Variants in EVPLL observed in about 807,000 individuals in gnomAD.
EVPLL encodes the protein envoplakin-like protein.
Under a neutral mutation model 46.2 loss-of-function variants are expected in EVPLL, and 39 were observed. The ratio of observed to expected loss-of-function variants is 0.84; its 90% CI spans 0.65 to 1.10. The LOEUF is 1.10. Among genes scored for constraint, EVPLL ranks in the 50% least tolerant of loss-of-function variants. EVPLL has a pLI of 0.00. For synonymous variants in EVPLL, 156 were observed against 165.8 expected (o/e 0.94, Z 0.46); for missense variants, 385 against 412.6 (o/e 0.93, Z 0.58).
Position 18,381,092 on chromosome 17 carries a change from G to T in EVPLL, c.63+92G>T. ...CCTGGCACTCCCTGAGTGCCCCCTG[G>T]TGATGGTGAAGATGGGACAGATGAC... On this transcript the variant is annotated intron_variant, in intron 2 of 10. Transcript: ENST00000399134. The surrounding 1 kb of genome is among the most constrained non-coding windows in gnomAD (Gnocchi z 4.2). 1 of 1,455,448 alleles carries T rather than the reference G, an allele frequency of 6.9e-7. No individual in the cohort carries two copies. Among genetic ancestry groups the T allele is most frequent in the Non-Finnish European group, 9.4e-7 (1 of 1,063,342 alleles). 90.2% of individuals were successfully genotyped at this position (1,455,448 alleles called of 1,614,324 possible).
At chr17:18,380,435 G>A (rs56735648) in intron 1 of EVPLL, 7,349 of 161,764 alleles carry the variant, frequency 0.045, 499 homozygotes, top group African/African-American at 0.16. Flanking sequence ...AAAGCTCCCT[G>A]GGGTGGAGGA....
intron 1 of EVPLL, among the ~76,000 whole-genome samples, chr17:18,378,578 A>G (rs747183973): frequency 6.6e-6 from 1 of 152,138 alleles, no homozygotes; most frequent in Non-Finnish European, 1.5e-5. Context: ...TAGGAGGCCA[A>G]TGCGGGAGGA....
intron 5 of EVPLL, 50 bp downstream of exon 5, chr17:18,382,688 T>G: frequency 6.4e-7 from 1 of 1,552,680 alleles, no homozygotes; most frequent in Non-Finnish European, 8.7e-7. Context: ...CAGCCCCTGT[T>G]TTTCCAGTCA....
In EVPLL at chr17:18,377,827, C is replaced by T; in HGVS notation, c.-193C>T. On this transcript the variant is annotated 5_prime_UTR_variant, in exon 1 of 11. Coordinates refer to ENST00000399134, the MANE Select transcript of EVPLL (RefSeq NM_001145127.2). ...AAGGACGCCCGCTGCCTCCCACCTG[C>T]CCTCCTGCCCTCCTTCACCAGCCAA... The T allele has an allele frequency of 1.5e-6, 1 of 666,178 alleles. No individual in the cohort carries two copies. 41.3% of individuals were successfully genotyped at this position (666,178 alleles called of 1,614,324 possible).
chr17:18,383,300 G>C lies in EVPLL; in HGVS notation c.702G>C (p.Gln234His). ...EHFKQHELLS[Q>H]EQSVNQLEED... ...TCAAGCAGCACGAGCTGCTGAGCCA[G>C]GAGCAGAGCGTAAACCAGCTGGAGG... The change falls in exon 8 of 11, where the codon CAG becomes CAC. Residue 234 changes from glutamine (Q) to histidine (H), a missense_variant. Transcript: ENST00000399134. The C allele has an allele frequency of 6.2e-7, 1 of 1,600,894 alleles. No individual in the cohort carries two copies. Among genetic ancestry groups the C allele is most frequent in the African/African-American group, 1.3e-5 (1 of 74,672 alleles).
Position 18,388,201 on chromosome 17 carries a change from TTTTC to T in EVPLL, c.877-9_877-6del, listed in dbSNP as rs1199633426. On this transcript the variant is annotated splice_polypyrimidine_tract_variant and intron_variant, in intron 9 of 10. Transcript: ENST00000399134. ...AACTCTTCTCCCCACCCATCTTTTG[TTTTC>T]TTTCTTTCCACAGATTCTGTGTCCA... 2.9e-6 allele frequency: 4 copies of T among 1,398,560 alleles called. No homozygotes were observed. The highest frequency in any genetic ancestry group is 2.0e-5 in the Admixed American group (1 of 50,278). The allele number at this position is 1,398,560 out of a possible 1,614,324, so 86.6% of individuals were successfully genotyped here. A position where few individuals can be genotyped will look rare whatever the true frequency, so the allele number is the denominator to read the frequency against.
At chr17:18,386,717 T>C (rs1987774153) in intron 9 of EVPLL, among the ~76,000 whole-genome samples, 1 of 152,102 alleles carries the variant, frequency 6.6e-6, no homozygotes, top group South Asian at 2.1e-4. Flanking sequence ...GTGTGAAAGA[T>C]ACGCAGATTT....
In EVPLL at chr17:18,381,430, A is replaced by C. The variant is rs1987567424; in HGVS notation, c.127A>C (p.Lys43Gln). ...QHQQETGSSL[K>Q]EAEVLLKDLF... ...CCAGCAGGAGACGGGCAGCAGCCTG[A>C]AGGAGGCCGAGGTGCTGCTCAAGGA... is the stretch of plus-strand genomic sequence containing the variant. Residue 43 changes from lysine to glutamine, a missense_variant, in exon 3 of 11, where the codon AAG becomes CAG. Transcript: ENST00000399134. The surrounding 1 kb of genome is among the most constrained non-coding windows in gnomAD (Gnocchi z 4.2). The C allele has an allele frequency of 3.7e-6, 6 of 1,611,210 alleles. No homozygotes were observed. Among genetic ancestry groups the C allele is most frequent in the Non-Finnish European group, 5.1e-6 (6 of 1,179,000 alleles).
rs781092074 is a variant in EVPLL at position 18,380,955 on chromosome 17, C to A, written c.18C>A (p.Asp6Glu). 11 of 1,596,420 alleles carry A rather than the reference C, an allele frequency of 6.9e-6. No individual in the cohort carries two copies. The Admixed American group carries it at 6.9e-5, about 10-fold the overall frequency. MQASA[D>E]QVERDILETQ... ...TCTCCCACATGCAAGCCAGCGCCGACCAGGTGGAGCGGGACATCCTGGAGA... is the reference window on the plus strand; with the variant it reads ...TCTCCCACATGCAAGCCAGCGCCGAACAGGTGGAGCGGGACATCCTGGAGA... The change falls in exon 2 of 11, where the codon GAC becomes GAA. Residue 6 changes from aspartate to glutamate, a missense_variant. Physicochemically the swap from Asp to Glu is conservative, Grantham distance 45. Transcript: ENST00000399134.
chr17:18,385,651 A>G (rs1987742935), intron 9 of EVPLL, among the ~76,000 whole-genome samples: 1 of 151,056 alleles, frequency 6.6e-6, no homozygotes, highest in African/African-American at 2.4e-5. Context: ...GGCAGCAAGG[A>G]AAGGGCAGCT....
chr17:18,381,272 T>TGG lies in EVPLL; in HGVS notation c.64-92_64-91dup. ...GGGCCTCGAGGTTGGCCAGCATAGC[T>TGG]GGGGTCCCAAAGGTGGGGCTCAGGC... On this transcript the variant is annotated intron_variant, in intron 2 of 10. Transcript: ENST00000399134. The surrounding 1 kb of genome is among the most constrained non-coding windows in gnomAD (Gnocchi z 4.2). 1 of 1,459,016 alleles carries TGG rather than the reference T, an allele frequency of 6.9e-7. No homozygotes were observed. The highest frequency in any genetic ancestry group is 2.5e-5 in the Admixed American group (1 of 39,736). 90.4% of individuals were successfully genotyped at this position (1,459,016 alleles called of 1,614,324 possible).
intron 1 of EVPLL, among the ~76,000 whole-genome samples, chr17:18,379,048 C>G (rs929364588): frequency 6.6e-6 from 1 of 152,240 alleles, no homozygotes; most frequent in African/African-American, 2.4e-5. Context: ...CAACTGCACT[C>G]TAGCCTGGGT....
intron 9 of EVPLL, among the ~76,000 whole-genome samples, chr17:18,385,238 C>T (rs1269286359): frequency 9.3e-6 from 1 of 108,000 alleles, no homozygotes; most frequent in African/African-American, 3.9e-5. Flanking sequence ...CCCTTCCTCA[C>T]TGGATTTTGG....
At position 18,381,403 on chromosome 17, in the gene EVPLL, C is replaced by T; in HGVS notation, c.100C>T (p.His34Tyr). The T allele has an allele frequency of 6.3e-7, 1 of 1,597,718 alleles. No individual in the cohort carries two copies. ...CAGTGAGCAGAGCCAGGCCCTGCAG[C>T]ACCAGCAGGAGACGGGCAGCAGCCT... ...LNSEQSQALQHQQETGSSLKE... is the reference protein window; with the variant it reads ...LNSEQSQALQYQQETGSSLKE... Residue 34 changes from histidine (H) to tyrosine (Y), a missense_variant, in exon 3 of 11, where the codon CAC becomes TAC. Transcript: ENST00000399134. This position sits in a 1 kb window ranked among gnomAD's most constrained non-coding sequence, Gnocchi z 4.2.
At chr17:18,388,822 G>A (rs1356005997) in intron 10 of EVPLL, 35 bp from the exon 11 acceptor site, 1 of 151,848 alleles carries the variant, frequency 6.6e-6, no homozygotes, top group Non-Finnish European at 1.5e-5. Context: ...CTCAGACACA[G>A]AAAACCTGCT....
intron 1 of EVPLL, 97 bp from the exon 2 acceptor site, chr17:18,380,805 G>A: frequency 9.9e-7 from 1 of 1,009,228 alleles, no homozygotes; most frequent in Non-Finnish European, 1.5e-6. Flanking sequence ...GGCTGTGGGG[G>A]CGGGATGGGG....
chr17:18,385,008 C>A (rs1987723920), intron 9 of EVPLL, among the ~76,000 whole-genome samples: 1 of 150,892 alleles, frequency 6.6e-6, no homozygotes, highest in Non-Finnish European at 1.5e-5. Flanking sequence ...GGGAAAGGGG[C>A]AAGAGATGAC....
chr17:18,382,692 C>T, intron 5 of EVPLL, 54 bp downstream of exon 5: 1 of 1,552,878 alleles, frequency 6.4e-7, no homozygotes. Flanking sequence ...CCCTGTTTTT[C>T]CAGTCAGAGC....
At chr17:18,379,557 A>G (rs2151626216) in intron 1 of EVPLL, among the ~76,000 whole-genome samples, 1 of 152,284 alleles carries the variant, frequency 6.6e-6, no homozygotes, top group South Asian at 2.1e-4. Flanking sequence ...CCCACTGTCC[A>G]GGCAGGCTCC....
Sources: allele counts gnomAD v4.1 joint callset (sites outside exome capture counted in the v4.1 genomes callset), GRCh38; gene constraint gnomAD v4.1.1; non-coding constraint Gnocchi (gnomAD v3.1); transcripts MANE v1.5; gene names NCBI Gene and HGNC (gene_info 2026-07-23, HGNC 2026-07-21).